Variants in ATP2C2 observed in about 807,000 individuals in gnomAD.
The protein encoded by ATP2C2 is ATPase secretory pathway Ca2+ transporting 2, also known as calcium-transporting ATPase type 2C member 2.
ATP2C2 carries 171 observed loss-of-function variants against 110.8 expected under a neutral mutation model. The observed-to-expected ratio is 1.54, with a 90% CI of 1.36 to 1.75. The LOEUF (loss-of-function observed/expected upper bound fraction) is 1.75. Among genes scored for constraint, ATP2C2 ranks in the 40% most tolerant of loss-of-function variants. The pLI is 0.00. For missense variants in ATP2C2, 1,963 were observed against 1,235.0 expected, an observed-to-expected ratio of 1.59 and a Z score of -8.84; for synonymous variants, 804 against 508.4, an observed-to-expected ratio of 1.58 and a Z score of -7.82.
intron 1 of ATP2C2, among the ~76,000 whole-genome samples, chr16:84,396,223 C>A (rs1281997628): frequency 6.6e-6 from 1 of 150,492 alleles, no homozygotes; most frequent in African/African-American, 2.4e-5. Context: ...AAGCATCGGG[C>A]GTGTGTGTGT....
At chr16:84,373,416 C>G (rs192364183) in intron 1 of ATP2C2, among the ~76,000 whole-genome samples, 1 of 151,994 alleles carries the variant, frequency 6.6e-6, no homozygotes, top group Non-Finnish European at 1.5e-5. Context: ...AGAAGAAACG[C>G]TTGAATGCAG....
At chr16:84,374,171 T>C (rs566282152) in intron 1 of ATP2C2, among the ~76,000 whole-genome samples, 5 of 152,368 alleles carry the variant, frequency 3.3e-5, no homozygotes, top group African/African-American at 7.2e-5. Context: ...ACTGGATTCA[T>C]GTAAGGCACC....
chr16:84,450,404 C>T (rs962511450), intron 17 of ATP2C2, among the ~76,000 whole-genome samples: 2 of 152,048 alleles, frequency 1.3e-5, no homozygotes, highest in Non-Finnish European at 2.9e-5. Flanking sequence ...GCTTTGAGAC[C>T]CCCCACCCCA....
At chr16:84,447,840 ATTAATAT>A (rs1909895735) in intron 16 of ATP2C2, among the ~76,000 whole-genome samples, 1 of 117,326 alleles carries the variant, frequency 8.5e-6, no homozygotes. Flanking sequence ...AACATCTGTA[ATTAATAT>A]TATATTTATT....
chr16:84,454,856 G>C lies in ATP2C2; in HGVS notation c.2019G>C (p.Gly673=). ...CAGGGGCGATCGTGGCCATGACTGG[G>C]GATGGGGTGAACGACGCAGTGGCCC... ...QESGAIVAMT[G]DGVNDAVALK... Residue 673 remains glycine (G), a synonymous_variant, in exon 21 of 27, where the codon GGG becomes GGC. Coordinates refer to ENST00000262429, the MANE Select transcript of ATP2C2 (RefSeq NM_014861.4). 16 of 1,613,576 alleles carry C rather than the reference G, an allele frequency of 9.9e-6. No individual in the cohort carries two copies. The highest frequency in any genetic ancestry group is 1.4e-5 in the Non-Finnish European group (16 of 1,179,736).
chr16:84,408,364 G>A (rs1357211684), intron 3 of ATP2C2, 41 bp from the exon 4 acceptor site: 1 of 1,583,688 alleles, frequency 6.3e-7, no homozygotes, highest in African/African-American at 1.3e-5. Context: ...TCTGGTCCCT[G>A]AGACTAAAGA....
chr16:84,441,124 G>A (rs953941243), intron 14 of ATP2C2, among the ~76,000 whole-genome samples, 166 bp downstream of exon 14: 1 of 152,188 alleles, frequency 6.6e-6, no homozygotes, highest in African/African-American at 2.4e-5. Flanking sequence ...AAAAGTGATG[G>A]AGACATCAGA....
At chr16:84,432,988 G>C (rs934678619) in intron 11 of ATP2C2, among the ~76,000 whole-genome samples, 6 of 152,196 alleles carry the variant, frequency 3.9e-5, no homozygotes, top group African/African-American at 1.4e-4. Flanking sequence ...AGGTGACTGA[G>C]CCTTTGGAGG....
intron 7 of ATP2C2, among the ~76,000 whole-genome samples, chr16:84,421,220 G>C (rs1167875042): frequency 6.6e-6 from 1 of 152,184 alleles, no homozygotes; most frequent in Non-Finnish European, 1.5e-5. Flanking sequence ...ATTGTCCAGA[G>C]CTGGAGCCGC....
At chr16:84,378,794 G>A (rs1271665806) in intron 1 of ATP2C2, among the ~76,000 whole-genome samples, 2 of 152,188 alleles carry the variant, frequency 1.3e-5, no homozygotes, top group African/African-American at 2.4e-5. Context: ...AGCAGAGATT[G>A]AGCAAAGTGC....
intron 7 of ATP2C2, among the ~76,000 whole-genome samples, chr16:84,420,523 G>A (rs1240177313): frequency 2.2e-5 from 3 of 137,514 alleles, no homozygotes; most frequent in Non-Finnish European, 3.1e-5. Flanking sequence ...TTTTAGATTT[G>A]TGGGAAAATT....
intron 3 of ATP2C2, 46 bp downstream of exon 3, chr16:84,405,290 C>A (rs370926576): frequency 1.3e-6 from 2 of 1,499,956 alleles, no homozygotes; most frequent in Non-Finnish European, 1.8e-6. Flanking sequence ...CATAAGCCAG[C>A]GAGGGTGGGG....
At chr16:84,427,868 C>T (rs992564802) in intron 11 of ATP2C2, among the ~76,000 whole-genome samples, 3 of 151,948 alleles carry the variant, frequency 2.0e-5, no homozygotes, top group South Asian at 2.1e-4. Context: ...ATTGATTGTG[C>T]GGATAGGTGC....
At chr16:84,424,576 C>CTTTTTTTTTT (rs371614449) in intron 10 of ATP2C2, among the ~76,000 whole-genome samples, 17 of 114,868 alleles carry the variant, frequency 1.5e-4, no homozygotes, top group African/African-American at 6.4e-4. Context: ...CCGCACTGGG[C>CTTTTTTTTTT]TTTTTTTTTT....
At chr16:84,397,689 A>C (rs1905081555) in intron 1 of ATP2C2, among the ~76,000 whole-genome samples, 1 of 143,830 alleles carries the variant, frequency 7.0e-6, no homozygotes, top group Non-Finnish European at 1.5e-5. Context: ...TTAAAAATAG[A>C]TGCATCAGTA....
At chr16:84,426,954 C>G (rs1490172382) in intron 11 of ATP2C2, among the ~76,000 whole-genome samples, 2 of 152,166 alleles carry the variant, frequency 1.3e-5, no homozygotes, top group Non-Finnish European at 2.9e-5. Flanking sequence ...AGCGGTTTGA[C>G]TTTGTCAGTA....
chr16:84,391,420 C>T (rs970376054), intron 1 of ATP2C2, among the ~76,000 whole-genome samples: 1 of 152,212 alleles, frequency 6.6e-6, no homozygotes, highest in African/African-American at 2.4e-5. Flanking sequence ...GAAGCCCTAA[C>T]CCCTGGTACC....
chr16:84,405,616 GC>G (rs748274044), intron 3 of ATP2C2, among the ~76,000 whole-genome samples: 118 of 152,168 alleles, frequency 7.8e-4, no homozygotes, highest in Non-Finnish European at 3.1e-4. Flanking sequence ...AATATAGGAT[GC>G]CCTGTTAAAT....
chr16:84,410,435 AT>A, intron 4 of ATP2C2, 132 bp from the exon 5 acceptor site: 1 of 1,058,290 alleles, frequency 9.4e-7, no homozygotes, highest in Non-Finnish European at 1.4e-6. Context: ...TATTTTCTAA[AT>A]TTCTGTACTG....
Sources: gnomAD v4.1 joint callset for allele counts (sites outside exome capture counted in the v4.1 genomes callset) on GRCh38, gnomAD v4.1.1 for gene constraint, MANE v1.5 for transcripts, NCBI Gene and HGNC (gene_info 2026-07-23, HGNC 2026-07-21) for gene names.